SMYD3: variants seen among roughly 807,000 people sequenced by gnomAD.
SMYD3 encodes histone-lysine N-methyltransferase SMYD3.
In SMYD3, 36 loss-of-function variants were observed where a neutral mutation model predicts 57.7. The observed-to-expected ratio is 0.62, with a 90% CI of 0.48 to 0.82. The LOEUF (loss-of-function observed/expected upper bound fraction) is 0.82, where lower values mean the gene tolerates loss of function less well. Among genes scored for constraint, SMYD3 ranks in the 40% least tolerant of loss-of-function variants. The probability of loss-of-function intolerance (pLI) is 0.00; values close to 1 mark genes in which losing one functional copy is unlikely to be tolerated. For missense variants in SMYD3, 515 were observed against 538.8 expected, an observed-to-expected ratio of 0.96 and a Z score of 0.44; for synonymous variants, 211 against 195.0, an observed-to-expected ratio of 1.08 and a Z score of -0.68.
At chr1:246,245,058 C>T (rs1770004) in intron 5 of SMYD3, among the ~76,000 whole-genome samples, 40,346 of 150,870 alleles carry the variant, frequency 0.27, 6,067 homozygotes, top group East Asian at 0.58. Context: ...AATTCCACTA[C>T]GGCTAAATAG....
chr1:246,210,629 G>A (rs1396670615), intron 5 of SMYD3, among the ~76,000 whole-genome samples: 1 of 151,766 alleles, frequency 6.6e-6, no homozygotes, highest in Non-Finnish European at 1.5e-5. Flanking sequence ...AGAATCACTT[G>A]AACCCGGGAA....
chr1:246,418,497 T>C (rs1228531966), intron 1 of SMYD3, among the ~76,000 whole-genome samples: 1 of 152,180 alleles, frequency 6.6e-6, no homozygotes, highest in African/African-American at 2.4e-5. Flanking sequence ...TAGCCGTCTG[T>C]AGGCAGCTTG....
chr1:246,203,949 A>C lies in SMYD3; in HGVS notation c.531+123252T>G, dbSNP rs2148371612. Among the ~76,000 whole-genome samples the C allele has an allele frequency of 6.6e-6, 1 of 152,274 alleles. No homozygotes were observed. The highest frequency in any genetic ancestry group is 6.5e-5 in the Admixed American group (1 of 15,292). On this transcript the variant is annotated intron_variant, in intron 5 of 11. Transcript: ENST00000490107. The surrounding 1 kb of genome is among the most constrained non-coding windows in gnomAD (Gnocchi z 4.6). ...CCTAAACTAGAAGTCTCAAACTCAA[A>C]TATAGAGGAGCCAGGAGAATCCTAA...
intron 5 of SMYD3, among the ~76,000 whole-genome samples, chr1:246,249,379 C>T (rs944286072): frequency 3.3e-5 from 5 of 152,134 alleles, no homozygotes; most frequent in African/African-American, 1.2e-4. Flanking sequence ...GCTGGGATTA[C>T]AGGCATGAGC....
rs547710354 is a variant in SMYD3 at position 246,241,144 on chromosome 1, G to A, written c.531+86057C>T. Among the ~76,000 whole-genome samples the A allele has an allele frequency of 7.3e-3, 1,105 of 152,194 alleles. 14 individuals carry two copies. The highest frequency in any genetic ancestry group is 0.025 in the African/African-American group (1,019 of 41,520). ...CAACACTATGTTGAACAGGAGTGGT[G>A]AGAGAGGGCATCCCTGTCTTGTGCC... On this transcript the variant is annotated intron_variant, in intron 5 of 11. Transcript: ENST00000490107.
At chr1:245,844,092 T>A (rs1279895308) in intron 10 of SMYD3, among the ~76,000 whole-genome samples, 1 of 152,154 alleles carries the variant, frequency 6.6e-6, no homozygotes, top group African/African-American at 2.4e-5. Flanking sequence ...TAGTTCCTCC[T>A]CCTCTGGCCA....
At chr1:246,438,452 T>TCAGG (rs1441352988) in intron 1 of SMYD3, among the ~76,000 whole-genome samples, 1 of 152,046 alleles carries the variant, frequency 6.6e-6, no homozygotes, top group Non-Finnish European at 1.5e-5. Context: ...CGAAGTCAAC[T>TCAGG]CAGGACCAGA....
intron 1 of SMYD3, among the ~76,000 whole-genome samples, chr1:246,378,750 A>ATATTATATTATTTTT (rs2066327342): frequency 1.2e-5 from 1 of 81,660 alleles, no homozygotes; most frequent in Non-Finnish European, 2.3e-5. Context: ...AATTATATAT[A>ATATTATATTATTTTT]ATATATTTAA....
intron 1 of SMYD3, among the ~76,000 whole-genome samples, chr1:246,373,536 C>A (rs2066222914): frequency 6.6e-6 from 1 of 152,052 alleles, no homozygotes. Context: ...TGACAACTTA[C>A]AATAATAAAA....
chr1:245,849,638 ATTTAT>A (rs1334940320), intron 10 of SMYD3, among the ~76,000 whole-genome samples: 3 of 140,728 alleles, frequency 2.1e-5, no homozygotes, highest in African/African-American at 5.3e-5. Flanking sequence ...TCTTTATTTT[ATTTAT>A]TTTATTTTAT....
At chr1:246,235,815 C>T (rs777553448) in intron 5 of SMYD3, among the ~76,000 whole-genome samples, 23 of 152,118 alleles carry the variant, frequency 1.5e-4, no homozygotes, top group Non-Finnish European at 2.5e-4. Flanking sequence ...CTGTGCTGTC[C>T]AATATGGAAA....
chr1:246,217,007 A>G (rs12086030), intron 5 of SMYD3, among the ~76,000 whole-genome samples: 40,228 of 151,888 alleles, frequency 0.26, 6,029 homozygotes, highest in East Asian at 0.58. Context: ...AATTACAAAA[A>G]ATCTATTCCA....
chr1:246,364,814 T>C (rs1158858079), intron 1 of SMYD3, among the ~76,000 whole-genome samples: 1 of 151,864 alleles, frequency 6.6e-6, no homozygotes, highest in Non-Finnish European at 1.5e-5. Flanking sequence ...AATCGGGCCC[T>C]AGAGTTCTTG....
rs1271084520 is a variant in SMYD3 at position 245,828,568 on chromosome 1, G to A, written c.1076+29928C>T. Among the ~76,000 whole-genome samples, 6 of 152,176 alleles carry A rather than the reference G, an allele frequency of 3.9e-5. No individual in the cohort carries two copies. In the South Asian group the frequency reaches 1.2e-3, roughly 32 times the overall value. ...TATGTTTAATAGACAAATAATAATT[G>A]TACAAATTTATAGGGCATGGTGTAA... On this transcript the variant is annotated intron_variant, in intron 10 of 11. Transcript: ENST00000490107.
At chr1:246,455,938 C>A (rs549803297) in intron 1 of SMYD3, among the ~76,000 whole-genome samples, 3 of 152,264 alleles carry the variant, frequency 2.0e-5, no homozygotes, top group Non-Finnish European at 2.9e-5. Context: ...ACAACAGATA[C>A]GTGAATCAGG....
At chr1:246,015,665 G>A (rs372923807) in intron 5 of SMYD3, among the ~76,000 whole-genome samples, 14 of 152,250 alleles carry the variant, frequency 9.2e-5, no homozygotes, top group Admixed American at 3.3e-4. Context: ...AACATGAGGT[G>A]CCTCACAGAG....
intron 2 of SMYD3, among the ~76,000 whole-genome samples, chr1:246,341,047 C>T (rs12747755): frequency 0.19 from 29,356 of 152,046 alleles, 3,303 homozygotes; most frequent in East Asian, 0.42. Context: ...TGAAAGTTAA[C>T]TTTTCCAGCT....
chr1:246,442,116 T>C (rs1036451860), intron 1 of SMYD3, among the ~76,000 whole-genome samples: 1 of 152,220 alleles, frequency 6.6e-6, no homozygotes. Flanking sequence ...CTACAATGTG[T>C]AAGCGCTGTG....
At chr1:245,888,292 A>C (rs939411653) in intron 8 of SMYD3, among the ~76,000 whole-genome samples, 5 of 152,236 alleles carry the variant, frequency 3.3e-5, no homozygotes, top group African/African-American at 1.2e-4. Flanking sequence ...CTAGAATTCT[A>C]CCATCTAAAG....
Sources: gnomAD v4.1 joint callset for allele counts (sites outside exome capture counted in the v4.1 genomes callset) on GRCh38, gnomAD v4.1.1 for gene constraint, Gnocchi (gnomAD v3.1) non-coding constraint, MANE v1.5 for transcripts, NCBI Gene and HGNC (gene_info 2026-07-23, HGNC 2026-07-21) for gene names.